The following SUPT5H variants were observed in gnomAD, a reference collection of about 807,000 sequenced individuals.
The protein encoded by SUPT5H is transcription elongation factor SPT5.
A neutral mutation model predicts 142.5 loss-of-function variants in SUPT5H; 24 were observed. That is an observed-to-expected ratio of 0.17 (90% CI 0.12 to 0.24). The LOEUF is 0.24. Among genes scored for constraint, SUPT5H ranks in the 10% least tolerant of loss-of-function variants. SUPT5H has a pLI of 1.00. For synonymous variants in SUPT5H, 546 were observed against 553.0 expected (o/e 0.99, Z 0.18); for missense variants, 893 against 1,471.8 (o/e 0.61, Z 6.43).
At chr19:39,453,260 A>G (rs1465448735) in intron 2 of SUPT5H, 96 bp from the exon 3 acceptor site, 19 of 1,412,272 alleles carry the variant, frequency 1.3e-5, no homozygotes, top group Non-Finnish European at 1.8e-5. Flanking sequence ...ATGATTGGCC[A>G]GGCCAATCTG....
Position 39,465,063 on chromosome 19 carries a change from G to C in SUPT5H, c.876+14G>C. On this transcript the variant is annotated intron_variant, in intron 11 of 29. Transcript: ENST00000432763. ...GACATTGCTCAGGTGCCCGGGGCGGGGTGGCATGGGGGTCAGGGTCCCTCC... is the reference window on the plus strand; with the variant it reads ...GACATTGCTCAGGTGCCCGGGGCGGCGTGGCATGGGGGTCAGGGTCCCTCC... 3.7e-6 allele frequency: 6 copies of C among 1,606,180 alleles called. No individual in the cohort carries two copies. Among genetic ancestry groups the C allele is most frequent in the Non-Finnish European group, 5.1e-6 (6 of 1,174,368 alleles).
chr19:39,453,954 A>G (rs775431450), intron 3 of SUPT5H, among the ~76,000 whole-genome samples: 11 of 146,772 alleles, frequency 7.5e-5, no homozygotes, highest in Non-Finnish European at 1.4e-4. Context: ...AACAAAATAC[A>G]TAGGATTCCA....
chr19:39,459,147 G>A (rs1433607059), intron 7 of SUPT5H, 37 bp from the exon 8 acceptor site: 2 of 1,612,014 alleles, frequency 1.2e-6, no homozygotes, highest in African/African-American at 1.3e-5. Flanking sequence ...GGATCTGACA[G>A]AGCTTCACCC....
intron 28 of SUPT5H, among the ~76,000 whole-genome samples, chr19:39,475,453 C>T (rs1318538217): frequency 6.6e-6 from 1 of 150,980 alleles, no homozygotes; most frequent in African/African-American, 2.4e-5. Context: ...TGTCATGCAC[C>T]AGCCTGGAGG....
intron 2 of SUPT5H, among the ~76,000 whole-genome samples, chr19:39,451,227 C>T (rs1310694644): frequency 2.4e-5 from 3 of 123,528 alleles, no homozygotes; most frequent in African/African-American, 9.6e-5. Flanking sequence ...CTTGCTGTGT[C>T]GCCTAGGCTG....
chr19:39,458,248 C>G lies in SUPT5H; in HGVS notation c.308-46C>G. On this transcript the variant is annotated intron_variant, in intron 4 of 29. Transcript: ENST00000432763. The surrounding 1 kb of genome is among the most constrained non-coding windows in gnomAD (Gnocchi z 4.2). Reference sequence around the variant, plus strand: ...TGCCCTCGCCCACCACCACCACCACCACCACCACCACCACCACCACCACCA... The same window carrying G: ...TGCCCTCGCCCACCACCACCACCACGACCACCACCACCACCACCACCACCA... 2 of 1,274,958 alleles carry G rather than the reference C, an allele frequency of 1.6e-6. 1 individual carries two copies. 79.0% of individuals were successfully genotyped at this position (1,274,958 alleles called of 1,614,324 possible).
At position 39,469,036 on chromosome 19, in the gene SUPT5H, C is replaced by G; in HGVS notation, c.1144-43C>G. The G allele has an allele frequency of 6.8e-6, 11 of 1,611,478 alleles. No individual in the cohort carries two copies. Among genetic ancestry groups the G allele is most frequent in the Non-Finnish European group, 8.5e-6 (10 of 1,178,478 alleles). ...CACTCAGCTGGGCTGTTGCACTGAC[C>G]TCGGTCCATTTCCTTCTCTTCCCCT... On this transcript the variant is annotated intron_variant, in intron 14 of 29. Transcript: ENST00000432763. The surrounding 1 kb of genome is among the most constrained non-coding windows in gnomAD (Gnocchi z 5.1).
rs748978038 is a variant in SUPT5H, at chr19:39,473,112, G to C, written c.2256G>C (p.Thr752=). 2 of 1,613,126 alleles carry C rather than the reference G, an allele frequency of 1.2e-6. No individual in the cohort carries two copies. Among genetic ancestry groups the C allele is most frequent in the East Asian group, 4.5e-5 (2 of 44,868 alleles). Residue 752 remains threonine (T), a splice_region_variant and synonymous_variant, in exon 23 of 30, where the codon ACG becomes ACC. Transcript: ENST00000432763. This position sits in a 1 kb window ranked among gnomAD's most constrained non-coding sequence, Gnocchi z 5.8. ...CTGTGGACCGTCAGCGGCTCACCAC[G>C]GTGTACGGGCGGGGCCTGGGGAGGG... is the stretch of plus-strand genomic sequence containing the variant. ...TISVDRQRLT[T]VGSRRPGGMT... is the part of the protein sequence containing the mutation.
chr19:39,451,411 G>A (rs1238221913), intron 2 of SUPT5H, among the ~76,000 whole-genome samples: 1 of 151,990 alleles, frequency 6.6e-6, no homozygotes, highest in African/African-American at 2.4e-5. Context: ...GGCCAGGCTG[G>A]TCTTGAACTC....
Position 39,457,592 on chromosome 19 carries a change from C to T in SUPT5H, c.242-83C>T. The T allele has an allele frequency of 1.9e-6, 3 of 1,565,670 alleles. No homozygotes were observed. The South Asian group carries it at 3.6e-5, about 19-fold the overall frequency. ...CTGTGCGGTGGGGATTTGTAGTGCA[C>T]ATCTCCCAGAGGAGATGCTTCGTGT... On this transcript the variant is annotated intron_variant, in intron 3 of 29. Transcript: ENST00000432763.
At position 39,476,125 on chromosome 19, in the gene SUPT5H, C is replaced by T. The variant is rs776575980; in HGVS notation, c.3069C>T (p.Val1023=). ...SVYLKDSEKV[V]SISSEHLEPI... is the part of the protein sequence containing the mutation. ...ACCTGAAGGACAGTGAGAAGGTTGTCAGCATTTCCAGTGAGCACCTGGAGC... is the reference window on the plus strand; with the variant it reads ...ACCTGAAGGACAGTGAGAAGGTTGTTAGCATTTCCAGTGAGCACCTGGAGC... Residue 1023 remains valine, a synonymous_variant, in exon 29 of 30, where the codon GTC becomes GTT. Transcript: ENST00000432763. The T allele has an allele frequency of 3.1e-6, 5 of 1,614,114 alleles. No individual in the cohort carries two copies. Among genetic ancestry groups the T allele is most frequent in the Non-Finnish European group, 4.2e-6 (5 of 1,180,022 alleles).
chr19:39,449,684 CA>C (rs1475866182), intron 2 of SUPT5H, among the ~76,000 whole-genome samples: 3 of 151,774 alleles, frequency 2.0e-5, no homozygotes, highest in African/African-American at 7.3e-5. Context: ...CTCTGTCACC[CA>C]GGCTGGAGTG....
chr19:39,464,992 G>A lies in SUPT5H; in HGVS notation c.819G>A (p.Leu273=). 6.2e-7 allele frequency: 1 copy of A among 1,614,230 alleles called. No individual in the cohort carries two copies. The highest frequency in any genetic ancestry group is 2.2e-5 in the East Asian group (1 of 44,886). ...AAGTGGTGAAGGAGGTGGCCAACCT[G>A]AAACCAAAGTCCTGGGTCCGCCTCA... ...VLKVVKEVAN[L]KPKSWVRLKR... The change falls in exon 11 of 30, where the codon CTG becomes CTA. Residue 273 remains leucine (L), a synonymous_variant. Coordinates refer to ENST00000432763, the MANE Select transcript of SUPT5H (RefSeq NM_001111020.3).
chr19:39,457,894 C>T (rs759565003), intron 4 of SUPT5H, 154 bp downstream of exon 4: 253 of 1,370,104 alleles, frequency 1.8e-4, no homozygotes, highest in Non-Finnish European at 2.4e-4. Flanking sequence ...AGACCAGCTC[C>T]CTGCTTTTTC....
At position 39,474,643 on chromosome 19, in the gene SUPT5H, C is replaced by T. The variant is rs1174914939; in HGVS notation, c.2949C>T (p.Asp983=). The change falls in exon 28 of 30, where the codon GAC becomes GAT. Residue 983 remains aspartate (D), a synonymous_variant. Transcript: ENST00000432763. The surrounding 1 kb of genome is among the most constrained non-coding windows in gnomAD (Gnocchi z 6.5). ...ACTCCAGCGACTGGGTAACCACTGA[C>T]ATTCAGGTGAAGGTGCGGGACACCT... is the stretch of plus-strand genomic sequence containing the variant. ...EQNSSDWVTT[D]IQVKVRDTYL... 3.7e-6 allele frequency: 6 copies of T among 1,614,214 alleles called. No homozygotes were observed. Among genetic ancestry groups the T allele is most frequent in the Non-Finnish European group, 5.1e-6 (6 of 1,180,028 alleles).
At chr19:39,467,731 G>A (rs1431675798) in intron 13 of SUPT5H, 1 of 152,130 alleles carries the variant, frequency 6.6e-6, no homozygotes, top group Non-Finnish European at 1.5e-5. Flanking sequence ...GAAACGAGAG[G>A]TGCCAGTGAC....
At position 39,469,082 on chromosome 19, in the gene SUPT5H, A is replaced by C. The variant is rs2146118087; in HGVS notation, c.1147A>C (p.Thr383Pro). 5.0e-6 allele frequency: 8 copies of C among 1,614,150 alleles called. No individual in the cohort carries two copies. In the East Asian group the frequency reaches 1.8e-4, roughly 36 times the overall value. The change falls in exon 15 of 30, where the codon ACG becomes CCG. Residue 383 changes from threonine to proline, a missense_variant. Around this residue, in one of 6 missense-constraint regions of SUPT5H, gnomAD observed 428 missense variants for 763.5 expected, o/e 0.56. Transcript: ENST00000432763. The surrounding 1 kb of genome is among the most constrained non-coding windows in gnomAD (Gnocchi z 5.1). ...CCCCTCACCGCTGGGGGCTTAGATCACGGAGGGTGTGAAGCCAACACTCTC... is the reference window on the plus strand; with the variant it reads ...CCCCTCACCGCTGGGGGCTTAGATCCCGGAGGGTGTGAAGCCAACACTCTC... ...FKSFAMSAVI[T>P]EGVKPTLSEL...
intron 2 of SUPT5H, among the ~76,000 whole-genome samples, chr19:39,447,452 T>TA: frequency 6.8e-6 from 1 of 147,262 alleles, no homozygotes; most frequent in African/African-American, 2.5e-5. Context: ...GCCATTATCT[T>TA]TTTTTTTTTT....
At chr19:39,446,596 G>A (rs914972711) in intron 2 of SUPT5H, among the ~76,000 whole-genome samples, 6 of 152,178 alleles carry the variant, frequency 3.9e-5, no homozygotes, top group East Asian at 1.9e-4. Context: ...GAGTGTGTCC[G>A]CCGTGTTCAG....
Sources: allele counts gnomAD v4.1 joint callset (sites outside exome capture counted in the v4.1 genomes callset), GRCh38; gene constraint gnomAD v4.1.1; regional missense constraint gnomAD v4.1.1; non-coding constraint Gnocchi (gnomAD v3.1); transcripts MANE v1.5; gene names NCBI Gene and HGNC (gene_info 2026-07-23, HGNC 2026-07-21).